The following MAML2 variants were observed in gnomAD, a reference collection of about 807,000 sequenced individuals.
The protein encoded by MAML2 is mastermind like transcriptional coactivator 2.
MAML2 carries 22 observed loss-of-function variants against 96.1 expected under a neutral mutation model. The ratio of observed to expected loss-of-function variants is 0.23; its 90% CI spans 0.16 to 0.33. The LOEUF is 0.33. Among genes scored for constraint, MAML2 ranks in the 10% least tolerant of loss-of-function variants. MAML2 has a pLI of 1.00. For missense variants in MAML2, 1,367 were observed against 1,392.4 expected (o/e 0.98, Z 0.29); for synonymous variants, 561 against 521.3 (o/e 1.08, Z -1.04).
intron 1 of MAML2, among the ~76,000 whole-genome samples, chr11:96,250,104 C>A (rs930104409): frequency 6.6e-6 from 1 of 152,068 alleles, no homozygotes; most frequent in Admixed American, 6.5e-5. Context: ...CCTGCAGGCC[C>A]GCTCTGCATG....
chr11:96,144,608 T>A (rs945069471), intron 1 of MAML2, among the ~76,000 whole-genome samples: 1 of 152,202 alleles, frequency 6.6e-6, no homozygotes, highest in African/African-American at 2.4e-5. Context: ...ACTGGGCTTA[T>A]TATCTGATGA....
chr11:96,031,176 G>A (rs1373609011), intron 2 of MAML2, among the ~76,000 whole-genome samples: 1 of 152,188 alleles, frequency 6.6e-6, no homozygotes, highest in Non-Finnish European at 1.5e-5. Context: ...GCATGAATAA[G>A]TGCTCAACAA....
chr11:96,311,022 A>G (rs964789865), intron 1 of MAML2, among the ~76,000 whole-genome samples: 2 of 152,236 alleles, frequency 1.3e-5, no homozygotes, highest in African/African-American at 4.8e-5. Flanking sequence ...CTTTACATGT[A>G]TCATCTCATT....
At chr11:96,065,199 G>A (rs1859225686) in intron 2 of MAML2, among the ~76,000 whole-genome samples, 1 of 152,136 alleles carries the variant, frequency 6.6e-6, no homozygotes, top group Non-Finnish European at 1.5e-5. Flanking sequence ...TTCAAGAAAA[G>A]TTGCTATGAA....
At chr11:96,243,628 G>T (rs1862468617) in intron 1 of MAML2, among the ~76,000 whole-genome samples, 1 of 149,114 alleles carries the variant, frequency 6.7e-6, no homozygotes, top group African/African-American at 2.5e-5. Flanking sequence ...AGCTGAAAGT[G>T]CCTTCTGAAC....
At chr11:96,107,475 G>A (rs1315802618) in intron 1 of MAML2, among the ~76,000 whole-genome samples, 2 of 152,212 alleles carry the variant, frequency 1.3e-5, no homozygotes, top group Non-Finnish European at 2.9e-5. Context: ...GTGTGACACT[G>A]TGATATAATA....
intron 1 of MAML2, among the ~76,000 whole-genome samples, chr11:96,271,605 T>G (rs1458548013): frequency 6.6e-6 from 1 of 152,184 alleles, no homozygotes; most frequent in African/African-American, 2.4e-5. Flanking sequence ...TTCCCCCACT[T>G]TGCTCTGCAC....
intron 1 of MAML2, among the ~76,000 whole-genome samples, chr11:96,278,715 T>C (rs1388775635): frequency 6.6e-6 from 1 of 152,224 alleles, no homozygotes; most frequent in African/African-American, 2.4e-5. Context: ...AAATACACTT[T>C]ACCTTTCTAG....
chr11:96,084,513 C>G (rs1229465170), intron 2 of MAML2, among the ~76,000 whole-genome samples: 1 of 152,110 alleles, frequency 6.6e-6, no homozygotes, highest in Non-Finnish European at 1.5e-5. Context: ...TAGCCTCATG[C>G]CTCTTCCCAG....
rs1858630652 is a variant in MAML2, at chr11:96,032,371, T to C, written c.2140-40648A>G. Among the ~76,000 whole-genome samples, 6 of 152,222 alleles carry C rather than the reference T, an allele frequency of 3.9e-5. No homozygotes were observed. The South Asian group carries it at 1.2e-3, about 32-fold the overall frequency. ...TGGGAGGCCGAGGCAGGTGGATCACTTGAGGTCAGAAGTAAAAGACCAGCC... is the reference window on the plus strand; with the variant it reads ...TGGGAGGCCGAGGCAGGTGGATCACCTGAGGTCAGAAGTAAAAGACCAGCC... On this transcript the variant is annotated intron_variant, in intron 2 of 4. Coordinates refer to ENST00000524717, the MANE Select transcript of MAML2 (RefSeq NM_032427.4).
chr11:96,007,289 G>T (rs1471023061), intron 2 of MAML2, among the ~76,000 whole-genome samples: 1 of 89,372 alleles, frequency 1.1e-5, no homozygotes, highest in African/African-American at 4.8e-5. Flanking sequence ...GGGATTACAG[G>T]CGTGAGCCAC....
intron 4 of MAML2, among the ~76,000 whole-genome samples, chr11:95,982,687 C>A (rs536400109): frequency 8.5e-5 from 13 of 152,246 alleles, no homozygotes; most frequent in Non-Finnish European, 1.5e-4. Context: ...GGGCGCCCAG[C>A]TTTTTCAAAG....
At chr11:96,046,290 C>T (rs778844654) in intron 2 of MAML2, among the ~76,000 whole-genome samples, 6 of 151,408 alleles carry the variant, frequency 4.0e-5, no homozygotes, top group Admixed American at 2.0e-4. Flanking sequence ...TGTTCATAGC[C>T]GGGGAGCTGG....
At chr11:96,142,854 AT>A (rs1170172281) in intron 1 of MAML2, among the ~76,000 whole-genome samples, 3 of 152,118 alleles carry the variant, frequency 2.0e-5, no homozygotes, top group African/African-American at 2.4e-5. Context: ...GAAAACAACT[AT>A]TTTTTTGTTT....
intron 1 of MAML2, among the ~76,000 whole-genome samples, chr11:96,141,065 T>A (rs1764994322): frequency 6.6e-6 from 1 of 152,226 alleles, no homozygotes; most frequent in African/African-American, 2.4e-5. Context: ...TACCATACTG[T>A]TGACCATATC....
chr11:96,003,024 T>C (rs1858118705), intron 2 of MAML2, among the ~76,000 whole-genome samples: 1 of 147,170 alleles, frequency 6.8e-6, no homozygotes, highest in Admixed American at 6.8e-5. Context: ...ATGAAGATGA[T>C]GATGGGGATG....
At chr11:96,265,142 C>CA (rs1222451580) in intron 1 of MAML2, among the ~76,000 whole-genome samples, 1 of 152,182 alleles carries the variant, frequency 6.6e-6, no homozygotes, top group Non-Finnish European at 1.5e-5. Context: ...AGCTAGAGGA[C>CA]AAGCTACAGA....
At chr11:96,097,173 G>T (rs1228929334) in intron 1 of MAML2, among the ~76,000 whole-genome samples, 1 of 152,140 alleles carries the variant, frequency 6.6e-6, no homozygotes, top group African/African-American at 2.4e-5. Flanking sequence ...ATGGTATAGA[G>T]TCTCTCAAGA....
At chr11:96,272,659 G>A (rs972480416) in intron 1 of MAML2, among the ~76,000 whole-genome samples, 2 of 152,146 alleles carry the variant, frequency 1.3e-5, no homozygotes, top group African/African-American at 4.8e-5. Flanking sequence ...ACCAGTATTT[G>A]GCCTTAAAAT....
Sources: allele counts gnomAD v4.1 joint callset (sites outside exome capture counted in the v4.1 genomes callset), GRCh38; gene constraint gnomAD v4.1.1; transcripts MANE v1.5; gene names NCBI Gene and HGNC (gene_info 2026-07-23, HGNC 2026-07-21).